Variants in GALNTL6 observed in about 807,000 individuals in gnomAD.
GALNTL6 encodes polypeptide N-acetylgalactosaminyltransferase like 6.
Under a neutral mutation model 73.7 loss-of-function variants are expected in GALNTL6, and 46 were observed. The ratio of observed to expected loss-of-function variants is 0.62; its 90% CI spans 0.49 to 0.80. The LOEUF (loss-of-function observed/expected upper bound fraction) is 0.80. Ranked by LOEUF, GALNTL6 falls within the 30% of genes least tolerant of loss-of-function variation. The probability of loss-of-function intolerance (pLI) is 0.00; values close to 1 mark genes in which losing one functional copy is unlikely to be tolerated. For synonymous variants in GALNTL6, 259 were observed against 263.7 expected, an observed-to-expected ratio of 0.98 and a Z score of 0.17; for missense variants, 604 against 755.0, an observed-to-expected ratio of 0.80 and a Z score of 2.34.
intron 2 of GALNTL6, among the ~76,000 whole-genome samples, chr4:171,928,755 T>C (rs929601220): frequency 6.6e-6 from 1 of 152,288 alleles, no homozygotes; most frequent in African/African-American, 2.4e-5. Flanking sequence ...TTGCCTACAG[T>C]ATTGAGTACA....
chr4:172,046,542 G>A (rs1007371503), intron 2 of GALNTL6, among the ~76,000 whole-genome samples: 1 of 151,920 alleles, frequency 6.6e-6, no homozygotes, highest in African/African-American at 2.4e-5. Context: ...GTTATCTTTT[G>A]TCTTTTTTAT....
At position 172,231,126 on chromosome 4, in the gene GALNTL6, C is replaced by T. The variant is rs193254916; in HGVS notation, c.247+1362C>T. 7.4e-3 allele frequency among the ~76,000 whole-genome samples: 1,119 copies of T among 152,218 alleles called. 5 individuals carry two copies. The highest frequency in any genetic ancestry group is 0.035 in the South Asian group (168 of 4,824). On this transcript the variant is annotated intron_variant, in intron 3 of 12. Transcript: ENST00000506823. ...CCTTGGCAGTGACCCCATGAATGGT[C>T]GTGAAAATGAGTTCCTTACCAGCAT...
At chr4:172,493,302 T>A in intron 5 of GALNTL6, among the ~76,000 whole-genome samples, 1 of 152,184 alleles carries the variant, frequency 6.6e-6, no homozygotes, top group East Asian at 1.9e-4. Flanking sequence ...TTTCAATGGG[T>A]TGCTACCACT....
chr4:172,386,163 A>T (rs915674497), intron 5 of GALNTL6, among the ~76,000 whole-genome samples: 2 of 152,170 alleles, frequency 1.3e-5, no homozygotes, highest in Non-Finnish European at 2.9e-5. Flanking sequence ...GGAGAAGAAA[A>T]AATTTACAAA....
chr4:172,098,101 A>G (rs1356363500), intron 2 of GALNTL6, among the ~76,000 whole-genome samples: 2 of 152,178 alleles, frequency 1.3e-5, no homozygotes, highest in African/African-American at 2.4e-5. Flanking sequence ...AAGCAAAACT[A>G]TAAAAATTAA....
chr4:172,894,938 T>A (rs1393227003), intron 8 of GALNTL6, among the ~76,000 whole-genome samples: 1 of 148,462 alleles, frequency 6.7e-6, no homozygotes, highest in Non-Finnish European at 1.5e-5. Context: ...TATATAATGA[T>A]CTTGTTTTTT....
chr4:172,875,732 AACACACACACACACACAC>A (rs59079970), intron 7 of GALNTL6, among the ~76,000 whole-genome samples: 1 of 145,718 alleles, frequency 6.9e-6, no homozygotes, highest in Non-Finnish European at 1.5e-5. Flanking sequence ...CTCATACATA[AACACACACACACACACAC>A]ACACACACAC....
intron 5 of GALNTL6, among the ~76,000 whole-genome samples, chr4:172,415,786 G>A (rs1730809378): frequency 6.6e-6 from 1 of 152,156 alleles, no homozygotes; most frequent in African/African-American, 2.4e-5. Context: ...TGAGCAAGCA[G>A]TGGGTACGTG....
At chr4:172,253,999 A>T (rs571024935) in intron 3 of GALNTL6, among the ~76,000 whole-genome samples, 2 of 151,924 alleles carry the variant, frequency 1.3e-5, no homozygotes, top group South Asian at 4.1e-4. Flanking sequence ...CCTGCAGATC[A>T]CCTAACTGAA....
At chr4:172,296,607 G>A (rs1739684319) in intron 3 of GALNTL6, among the ~76,000 whole-genome samples, 1 of 152,084 alleles carries the variant, frequency 6.6e-6, no homozygotes, top group South Asian at 2.1e-4. Flanking sequence ...GTGAGAACAT[G>A]TGGTGTTTGG....
At chr4:171,899,909 C>T (rs1737030645) in intron 2 of GALNTL6, among the ~76,000 whole-genome samples, 1 of 152,172 alleles carries the variant, frequency 6.6e-6, no homozygotes, top group African/African-American at 2.4e-5. Flanking sequence ...TTCCCTTCCA[C>T]ACCCTACTTC....
intron 3 of GALNTL6, among the ~76,000 whole-genome samples, chr4:172,308,613 GT>G (rs2111138257): frequency 6.6e-6 from 1 of 152,132 alleles, no homozygotes; most frequent in South Asian, 2.1e-4. Flanking sequence ...TTTTAGTTCT[GT>G]GTATGTGGTG....
chr4:171,867,327 T>C (rs1277923609), intron 2 of GALNTL6, among the ~76,000 whole-genome samples: 2 of 152,128 alleles, frequency 1.3e-5, no homozygotes, highest in Non-Finnish European at 2.9e-5. Flanking sequence ...GTATAATAAA[T>C]GTATTAAAAT....
intron 2 of GALNTL6, among the ~76,000 whole-genome samples, chr4:172,160,140 TTG>T (rs201412737): frequency 2.0e-5 from 3 of 151,374 alleles, no homozygotes; most frequent in East Asian, 1.9e-4. Flanking sequence ...CAATAGGCAG[TTG>T]TGTGTGTGTG....
At chr4:172,898,741 A>G (rs566811130) in intron 8 of GALNTL6, among the ~76,000 whole-genome samples, 1 of 152,370 alleles carries the variant, frequency 6.6e-6, no homozygotes, top group African/African-American at 2.4e-5. Context: ...TAACAGCTAT[A>G]TTCAAATAAG....
chr4:172,629,620 G>A (rs138252404), intron 5 of GALNTL6, among the ~76,000 whole-genome samples: 179 of 152,194 alleles, frequency 1.2e-3, no homozygotes, highest in African/African-American at 3.7e-3. Flanking sequence ...TAAATTTGAA[G>A]CATTTTCACA....
chr4:172,691,250 G>A (rs984467928), intron 5 of GALNTL6, among the ~76,000 whole-genome samples: 1 of 152,144 alleles, frequency 6.6e-6, no homozygotes, highest in African/African-American at 2.4e-5. Flanking sequence ...AAGAAAACAT[G>A]AATATCTGGA....
At chr4:172,402,584 G>T (rs977426900) in intron 5 of GALNTL6, among the ~76,000 whole-genome samples, 4 of 152,044 alleles carry the variant, frequency 2.6e-5, no homozygotes, top group Admixed American at 2.0e-4. Flanking sequence ...GCATTGAAAA[G>T]TAGTATGCCA....
chr4:172,408,628 A>G (rs1394678860), intron 5 of GALNTL6, among the ~76,000 whole-genome samples: 1 of 151,354 alleles, frequency 6.6e-6, no homozygotes, highest in Non-Finnish European at 1.5e-5. Context: ...TTCTACCCTC[A>G]TTGCTGAACC....
Sources: gnomAD v4.1 joint callset for allele counts (sites outside exome capture counted in the v4.1 genomes callset) on GRCh38, gnomAD v4.1.1 for gene constraint, MANE v1.5 for transcripts, NCBI Gene and HGNC (gene_info 2026-07-23, HGNC 2026-07-21) for gene names.